STAG1: variants seen among roughly 807,000 people sequenced by gnomAD.
STAG1 encodes the protein STAG1 cohesin complex component.
In STAG1, 26 loss-of-function variants were observed where a neutral mutation model predicts 170.9. That is an observed-to-expected ratio of 0.15 (90% CI 0.11 to 0.21). The LOEUF is 0.21. Among genes scored for constraint, STAG1 ranks in the 10% least tolerant of loss-of-function variants. The pLI, the probability that STAG1 is intolerant of heterozygous loss-of-function variation, is 1.00. For synonymous variants in STAG1, 514 were observed against 497.7 expected, an observed-to-expected ratio of 1.03 and a Z score of -0.44; for missense variants, 964 against 1,509.5, an observed-to-expected ratio of 0.64 and a Z score of 5.99.
chr3:136,726,411 G>C (rs2107935456), intron 1 of STAG1, among the ~76,000 whole-genome samples: 1 of 152,264 alleles, frequency 6.6e-6, no homozygotes, highest in East Asian at 1.9e-4. Flanking sequence ...CCTCAGTTGA[G>C]AACCACTAAG....
chr3:136,464,527 C>CA (rs1370623329), intron 13 of STAG1, among the ~76,000 whole-genome samples: 4 of 152,010 alleles, frequency 2.6e-5, no homozygotes, highest in Admixed American at 6.6e-5. Context: ...ATTTAGATTA[C>CA]AAATGTTAAG....
At chr3:136,575,962 T>A (rs1937441349) in intron 4 of STAG1, among the ~76,000 whole-genome samples, 1 of 152,204 alleles carries the variant, frequency 6.6e-6, no homozygotes, top group Non-Finnish European at 1.5e-5. Context: ...AGATAGCAAG[T>A]CACCTCTGCC....
intron 1 of STAG1, among the ~76,000 whole-genome samples, chr3:136,735,769 C>T (rs1205824330): frequency 2.6e-5 from 4 of 152,208 alleles, no homozygotes; most frequent in African/African-American, 7.2e-5. Flanking sequence ...TTCGCCACCA[C>T]GCCCAGCTAA....
chr3:136,461,576 C>A (rs564470006), intron 13 of STAG1, among the ~76,000 whole-genome samples: 3 of 145,106 alleles, frequency 2.1e-5, no homozygotes, highest in African/African-American at 7.7e-5. Context: ...CATTAACTAG[C>A]AAGACTCCGT....
At chr3:136,706,803 T>C (rs1943239540) in intron 1 of STAG1, among the ~76,000 whole-genome samples, 1 of 152,194 alleles carries the variant, frequency 6.6e-6, no homozygotes, top group South Asian at 2.1e-4. Context: ...AACTTTCCAA[T>C]TTCAAATTTA....
chr3:136,661,856 T>A (rs35428413), intron 1 of STAG1, among the ~76,000 whole-genome samples: 25,125 of 152,158 alleles, frequency 0.17, 2,469 homozygotes, highest in Non-Finnish European at 0.22. Flanking sequence ...GGTATTATCA[T>A]CCCCATTTTA....
At chr3:136,467,752 G>A (rs1376209521) in intron 12 of STAG1, among the ~76,000 whole-genome samples, 2 of 152,046 alleles carry the variant, frequency 1.3e-5, no homozygotes, top group Non-Finnish European at 2.9e-5. Flanking sequence ...TGACCACATA[G>A]TTGGAAGTAA....
chr3:136,456,358 A>G (rs1460546626), intron 13 of STAG1, among the ~76,000 whole-genome samples: 2 of 152,242 alleles, frequency 1.3e-5, no homozygotes, highest in African/African-American at 4.8e-5. Context: ...AATAAAGAAT[A>G]TAACTGAAGT....
intron 4 of STAG1, among the ~76,000 whole-genome samples, chr3:136,570,096 A>C (rs1396564330): frequency 6.6e-6 from 1 of 152,196 alleles, no homozygotes; most frequent in Non-Finnish European, 1.5e-5. Flanking sequence ...AAAATGCATT[A>C]ATCCTGTTAT....
At chr3:136,397,449 TTC>T (rs903298429) in intron 22 of STAG1, among the ~76,000 whole-genome samples, 1 of 124,658 alleles carries the variant, frequency 8.0e-6, no homozygotes, top group Non-Finnish European at 1.8e-5. Context: ...TCAACTTTTT[TTC>T]TTTCTTTTTT....
chr3:136,574,223 A>G (rs1205873600), intron 4 of STAG1, among the ~76,000 whole-genome samples: 6 of 151,918 alleles, frequency 3.9e-5, no homozygotes, highest in Non-Finnish European at 7.4e-5. Flanking sequence ...CCCGGGTGAC[A>G]TGAGCGAAAC....
intron 9 of STAG1, among the ~76,000 whole-genome samples, chr3:136,480,631 T>G (rs1273984632): frequency 2.8e-5 from 1 of 35,998 alleles, no homozygotes; most frequent in Non-Finnish European, 6.0e-5. Context: ...CATTGGTAGC[T>G]TGATGGGGAT....
intron 1 of STAG1, among the ~76,000 whole-genome samples, chr3:136,688,316 G>A (rs1942606470): frequency 6.6e-6 from 1 of 152,176 alleles, no homozygotes; most frequent in African/African-American, 2.4e-5. Context: ...AAAGTCAACA[G>A]GTTGCAGACT....
chr3:136,737,100 G>C, intron 1 of STAG1: 1 of 914,906 alleles, frequency 1.1e-6, no homozygotes, highest in South Asian at 1.3e-5. Flanking sequence ...ACCAGGACAG[G>C]TCAGTCTTTC....
intron 22 of STAG1, among the ~76,000 whole-genome samples, chr3:136,385,371 T>C (rs1304905367): frequency 6.6e-6 from 1 of 152,098 alleles, no homozygotes; most frequent in Admixed American, 6.5e-5. Flanking sequence ...GCCTGGGAGA[T>C]TGAGGCTGCA....
intron 1 of STAG1, among the ~76,000 whole-genome samples, chr3:136,661,337 A>C (rs1941571174): frequency 6.6e-6 from 1 of 152,194 alleles, no homozygotes; most frequent in Admixed American, 6.5e-5. Flanking sequence ...TTCCTAACCC[A>C]AAAATCCAAA....
intron 19 of STAG1, 49 bp from the exon 20 acceptor site, chr3:136,421,212 G>T: frequency 8.3e-7 from 1 of 1,205,538 alleles, no homozygotes; most frequent in Non-Finnish European, 1.2e-6. Context: ...TCACCTTATA[G>T]TATATTACTA....
chr3:136,676,695 C>G (rs957279109), intron 1 of STAG1, among the ~76,000 whole-genome samples: 3 of 152,042 alleles, frequency 2.0e-5, no homozygotes, highest in Non-Finnish European at 4.4e-5. Flanking sequence ...ACTGATTTTC[C>G]GAACTAAGCC....
intron 6 of STAG1, among the ~76,000 whole-genome samples, chr3:136,521,883 T>C (rs969553302): frequency 7.9e-5 from 12 of 152,200 alleles, no homozygotes; most frequent in Non-Finnish European, 1.2e-4. Flanking sequence ...CATTGGGAAG[T>C]GCAAAAATAA....
Sources: allele counts gnomAD v4.1 joint callset (sites outside exome capture counted in the v4.1 genomes callset), GRCh38; gene constraint gnomAD v4.1.1; transcripts MANE v1.5; gene names NCBI Gene and HGNC (gene_info 2026-07-23, HGNC 2026-07-21).